Variants in ERBB4 observed in about 807,000 individuals in gnomAD.
ERBB4 encodes receptor tyrosine-protein kinase erbB-4.
A neutral mutation model predicts 158.0 loss-of-function variants in ERBB4; 42 were observed. That is an observed-to-expected ratio of 0.27 (90% CI 0.21 to 0.34). The LOEUF is 0.34. Ranked by LOEUF, ERBB4 falls within the 10% of genes least tolerant of loss-of-function variation. The pLI, the probability that ERBB4 is intolerant of heterozygous loss-of-function variation, is 1.00. For synonymous variants in ERBB4, 583 were observed against 558.7 expected (o/e 1.04, Z -0.61); for missense variants, 1,333 against 1,624.1 (o/e 0.82, Z 3.08).
chr2:211,630,218 A>T (rs2070051784), intron 17 of ERBB4, among the ~76,000 whole-genome samples: 1 of 152,120 alleles, frequency 6.6e-6, no homozygotes, highest in Non-Finnish European at 1.5e-5. Context: ...ATACAAACAA[A>T]ATACAGATAC....
At chr2:211,612,610 A>G (rs1396888967) in intron 19 of ERBB4, among the ~76,000 whole-genome samples, 3 of 152,032 alleles carry the variant, frequency 2.0e-5, no homozygotes, top group Non-Finnish European at 4.4e-5. Context: ...AGTGGAAAGA[A>G]AGTCAGTGAA....
intron 1 of ERBB4, among the ~76,000 whole-genome samples, chr2:212,156,533 T>C (rs1199520845): frequency 6.6e-6 from 1 of 152,126 alleles, no homozygotes; most frequent in Non-Finnish European, 1.5e-5. Context: ...TTGTATTCAG[T>C]ATTCAAATAT....
chr2:212,396,539 A>G (rs1023991157), intron 1 of ERBB4, among the ~76,000 whole-genome samples: 5 of 152,202 alleles, frequency 3.3e-5, no homozygotes, highest in Non-Finnish European at 7.4e-5. Flanking sequence ...TAAAGTTCTT[A>G]GAATTTAATG....
At chr2:211,463,265 C>G (rs1836749) in intron 20 of ERBB4, among the ~76,000 whole-genome samples, 88,819 of 152,030 alleles carry the variant, frequency 0.58, 28,053 homozygotes, top group Middle Eastern at 0.7. Flanking sequence ...TCAAGGATTC[C>G]TGGCTCAAAT....
At chr2:211,832,610 A>G (rs962349131) in intron 3 of ERBB4, among the ~76,000 whole-genome samples, 4 of 150,160 alleles carry the variant, frequency 2.7e-5, no homozygotes, top group African/African-American at 7.3e-5. Flanking sequence ...GTGTGTGTGT[A>G]TATATATATA....
At chr2:211,672,785 A>G (rs2071892424) in intron 14 of ERBB4, among the ~76,000 whole-genome samples, 1 of 152,122 alleles carries the variant, frequency 6.6e-6, no homozygotes, top group Non-Finnish European at 1.5e-5. Context: ...TGATGTCTCA[A>G]TTTCCATCCC....
chr2:211,831,890 C>T (rs201400314), intron 3 of ERBB4, among the ~76,000 whole-genome samples: 2 of 148,698 alleles, frequency 1.3e-5, no homozygotes, highest in East Asian at 4.1e-4. Context: ...GCAACAACAG[C>T]GAGACTCTGT....
intron 1 of ERBB4, among the ~76,000 whole-genome samples, chr2:212,132,814 T>G (rs903864722): frequency 1.3e-5 from 2 of 152,104 alleles, no homozygotes; most frequent in Non-Finnish European, 2.9e-5. Flanking sequence ...TATGTGTGTG[T>G]GTATATATAC....
chr2:212,536,160 G>A (rs141967746), intron 1 of ERBB4, among the ~76,000 whole-genome samples: 1 of 152,118 alleles, frequency 6.6e-6, no homozygotes, highest in Non-Finnish European at 1.5e-5. Context: ...GAGGGGAGAC[G>A]CGCAATATGT....
intron 2 of ERBB4, among the ~76,000 whole-genome samples, chr2:211,990,288 G>T (rs1407737932): frequency 6.6e-6 from 1 of 151,846 alleles, no homozygotes; most frequent in Non-Finnish European, 1.5e-5. Context: ...TATCTGGGGG[G>T]ATTAAGATAG....
In ERBB4 at chr2:212,216,603, T is replaced by C. The variant is rs184893553; in HGVS notation, c.83-91700A>G. Among the ~76,000 whole-genome samples, 39 of 151,364 alleles carry C rather than the reference T, an allele frequency of 2.6e-4. No homozygotes were observed. The East Asian group carries it at 7.0e-3, about 27-fold the overall frequency. On this transcript the variant is annotated intron_variant, in intron 1 of 27. Coordinates refer to ENST00000342788, the MANE Select transcript of ERBB4 (RefSeq NM_005235.3). ...GGAGAATTAATATCTTCATCCAGAA[T>C]TAAGTAATTGAATATACACAAAAAA...
chr2:211,562,385 T>C (rs1455454227), intron 19 of ERBB4, among the ~76,000 whole-genome samples: 3 of 152,222 alleles, frequency 2.0e-5, no homozygotes. Context: ...GAGATTTTAC[T>C]TATTGCCAAG....
At chr2:212,460,524 T>G (rs1027923536) in intron 1 of ERBB4, among the ~76,000 whole-genome samples, 1 of 152,118 alleles carries the variant, frequency 6.6e-6, no homozygotes, top group Admixed American at 6.5e-5. Context: ...CCAAGGTGAC[T>G]CTTGTTATAT....
chr2:212,427,346 G>C (rs192273300), intron 1 of ERBB4, among the ~76,000 whole-genome samples: 142 of 152,218 alleles, frequency 9.3e-4, no homozygotes, highest in African/African-American at 3.2e-3. Context: ...GTCAGTCCTG[G>C]TACTTGGACT....
At chr2:212,022,254 T>A (rs919048783) in intron 2 of ERBB4, among the ~76,000 whole-genome samples, 3 of 152,184 alleles carry the variant, frequency 2.0e-5, no homozygotes. Context: ...GCAGCACTAT[T>A]CACAATAGCA....
At chr2:212,324,146 C>T (rs1344483598) in intron 1 of ERBB4, among the ~76,000 whole-genome samples, 2 of 150,562 alleles carry the variant, frequency 1.3e-5, no homozygotes, top group African/African-American at 4.8e-5. Context: ...TTTCGGCAGC[C>T]GTCTTATGAC....
chr2:212,373,738 C>A (rs2090166204), intron 1 of ERBB4, among the ~76,000 whole-genome samples: 1 of 138,156 alleles, frequency 7.2e-6, no homozygotes, highest in Non-Finnish European at 1.5e-5. Flanking sequence ...TATATATATC[C>A]ATATATATAT....
intron 2 of ERBB4, among the ~76,000 whole-genome samples, chr2:212,103,237 T>C (rs2079133337): frequency 6.6e-6 from 1 of 152,138 alleles, no homozygotes; most frequent in Admixed American, 6.6e-5. Context: ...TTCTTCTTCA[T>C]GTTCAGGTAA....
intron 22 of ERBB4, 59 bp downstream of exon 22, chr2:211,428,349 G>T (rs923984282): frequency 7.6e-6 from 7 of 921,092 alleles, no homozygotes; most frequent in South Asian, 1.3e-5. Context: ...TATTTCACAT[G>T]AACTTAACAT....
Sources: allele counts gnomAD v4.1 joint callset (sites outside exome capture counted in the v4.1 genomes callset), GRCh38; gene constraint gnomAD v4.1.1; transcripts MANE v1.5; gene names NCBI Gene and HGNC (gene_info 2026-07-23, HGNC 2026-07-21).